ADD3: variants seen among roughly 807,000 people sequenced by gnomAD.
ADD3 encodes adducin 3, also known as gamma-adducin.
In ADD3, 25 loss-of-function variants were observed where a neutral mutation model predicts 80.2. The ratio of observed to expected loss-of-function variants is 0.31; its 90% CI spans 0.23 to 0.44. ADD3 has a LOEUF of 0.44. ADD3 is among the 20% of genes least tolerant of loss of function. The pLI is 1.00. For missense variants in ADD3, 829 were observed against 847.5 expected (o/e 0.98, Z 0.27); for synonymous variants, 284 against 289.6 (o/e 0.98, Z 0.20).
In ADD3 at chr10:110,044,452, G is replaced by A. The variant is rs549265336; in HGVS notation, c.-30+36153G>A. ...TGATTTTTGAGAGATGAATCAACTA[G>A]GAACCTAGAATTTTCCATACAAAAT... On this transcript the variant is annotated intron_variant, in intron 1 of 14. Transcript: ENST00000356080. 2.6e-5 allele frequency among the ~76,000 whole-genome samples: 4 copies of A among 152,210 alleles called. No individual in the cohort carries two copies. In the South Asian group the frequency reaches 8.3e-4, roughly 32 times the overall value.
At chr10:110,127,411 G>C (rs1852314655) in intron 12 of ADD3, among the ~76,000 whole-genome samples, 1 of 152,186 alleles carries the variant, frequency 6.6e-6, no homozygotes, top group African/African-American at 2.4e-5. Context: ...GAGGTCAAGA[G>C]ATCAAGACCA....
chr10:110,032,874 C>T (rs1388696664), intron 1 of ADD3, among the ~76,000 whole-genome samples: 1 of 151,986 alleles, frequency 6.6e-6, no homozygotes, highest in Non-Finnish European at 1.5e-5. Context: ...GAAACTTTAT[C>T]GAGAGGAAAA....
At chr10:110,051,971 A>G (rs1026123404) in intron 1 of ADD3, among the ~76,000 whole-genome samples, 2 of 151,750 alleles carry the variant, frequency 1.3e-5, no homozygotes, top group Non-Finnish European at 1.5e-5. Context: ...CTAAGTTTAA[A>G]TTTTTTTCTT....
intron 1 of ADD3, among the ~76,000 whole-genome samples, chr10:110,089,180 A>T (rs754010483): frequency 1.3e-5 from 2 of 152,182 alleles, no homozygotes; most frequent in Non-Finnish European, 2.9e-5. Context: ...ATAAAAATAA[A>T]AAAAAAGCTT....
At chr10:110,022,226 T>C (rs1478909974) in intron 1 of ADD3, among the ~76,000 whole-genome samples, 1 of 152,078 alleles carries the variant, frequency 6.6e-6, no homozygotes, top group Non-Finnish European at 1.5e-5. Flanking sequence ...TTTCAGAGAG[T>C]TGGAACTGTC....
chr10:110,002,301 T>A (rs1851501476), upstream of ADD3, among the ~76,000 whole-genome samples: 1 of 150,988 alleles, frequency 6.6e-6, no homozygotes. Context: ...TGAGACGGAG[T>A]CTCGCTCTGT....
intron 2 of ADD3, among the ~76,000 whole-genome samples, chr10:110,107,985 C>T (rs1246028699): frequency 6.6e-6 from 1 of 152,100 alleles, no homozygotes; most frequent in African/African-American, 2.4e-5. Flanking sequence ...CTTCTATGCT[C>T]TTCTGTATCT....
intron 1 of ADD3, among the ~76,000 whole-genome samples, chr10:110,011,751 T>A (rs1282127386): frequency 6.6e-6 from 1 of 152,252 alleles, no homozygotes; most frequent in Non-Finnish European, 1.5e-5. Flanking sequence ...GACTGTCATG[T>A]CATTGAGATT....
intron 1 of ADD3, among the ~76,000 whole-genome samples, chr10:110,073,145 T>C (rs1360738447): frequency 1.4e-5 from 2 of 143,712 alleles, no homozygotes; most frequent in South Asian, 2.3e-4. Flanking sequence ...TTTCTTTTTT[T>C]TTTTTTTTTT....
intron 2 of ADD3, among the ~76,000 whole-genome samples, chr10:110,108,454 C>T (rs372507523): frequency 2.0e-5 from 3 of 152,026 alleles, no homozygotes; most frequent in Admixed American, 1.3e-4. Context: ...TTTATAACCT[C>T]GAGCAAGGCA....
At position 110,008,261 on chromosome 10, in the gene ADD3, G is replaced by A. The variant is rs1399911036; in HGVS notation, c.-68G>A. 1 of 152,328 alleles carries A rather than the reference G, an allele frequency of 6.6e-6. No individual in the cohort carries two copies. The highest frequency in any genetic ancestry group is 1.5e-5 in the Non-Finnish European group (1 of 68,142). The allele number at this position is 152,328 out of a possible 1,614,324, so 9.4% of individuals were successfully genotyped here. ...CTGCAGCCCGGGCGGCTGCCGAGAA[G>A]GAGGGAGGGGAAACACAAAGCCGGC... On this transcript the variant is annotated 5_prime_UTR_variant, in exon 1 of 15. Transcript: ENST00000356080.
intron 1 of ADD3, among the ~76,000 whole-genome samples, chr10:110,057,768 T>C (rs997239783): frequency 1.8e-4 from 27 of 152,122 alleles, no homozygotes; most frequent in African/African-American, 6.3e-4. Flanking sequence ...CAAATATTTT[T>C]TGTTGCAATG....
rs182614464 is a variant in ADD3 at position 110,122,340 on chromosome 10, C to T, written c.1143+48C>T. 89 of 1,546,270 alleles carry T rather than the reference C, an allele frequency of 5.8e-5. No homozygotes were observed. In the East Asian group the frequency reaches 2.0e-3, roughly 35 times the overall value. ...AACTTGGATTTAATGTCTTCAGATT[C>T]AAGAGCAGATGCTTCCATTTTTGTA... On this transcript the variant is annotated intron_variant, in intron 9 of 14. Coordinates refer to ENST00000356080, the MANE Select transcript of ADD3 (RefSeq NM_016824.5).
At chr10:110,036,651 C>T (rs1436172963) in intron 1 of ADD3, among the ~76,000 whole-genome samples, 1 of 151,942 alleles carries the variant, frequency 6.6e-6, no homozygotes, top group Non-Finnish European at 1.5e-5. Flanking sequence ...GGATTACAGG[C>T]GTGAGCCACC....
At chr10:110,128,791 C>G (rs1423180482) in intron 12 of ADD3, among the ~76,000 whole-genome samples, 6 of 152,184 alleles carry the variant, frequency 3.9e-5, no homozygotes, top group African/African-American at 1.4e-4. Context: ...TTTACACTTT[C>G]TCTTATTGCT....
chr10:110,082,509 C>G (rs7899873), intron 1 of ADD3, among the ~76,000 whole-genome samples: 12,482 of 152,116 alleles, frequency 0.082, 1,653 homozygotes, highest in African/African-American at 0.28. Context: ...AACTGTCTTA[C>G]GAGATAGCTT....
At chr10:110,084,419 A>C (rs989593935) in intron 1 of ADD3, among the ~76,000 whole-genome samples, 3 of 152,198 alleles carry the variant, frequency 2.0e-5, no homozygotes, top group Non-Finnish European at 2.9e-5. Context: ...AAATGTGCTT[A>C]AAATTGTGCT....
chr10:109,997,011 T>C (rs2133659301), intron 1 of ADD3, among the ~76,000 whole-genome samples: 1 of 152,218 alleles, frequency 6.6e-6, no homozygotes, highest in East Asian at 1.9e-4. Context: ...TGCTATGCCA[T>C]AGATTATATT....
In ADD3 at chr10:110,122,087, G is replaced by C. The variant is rs760705791; in HGVS notation, c.961-23G>C. The stretch of plus-strand genomic sequence containing the variant: ...ACAGTCTTTATAGTTTTGTGTCTCT[G>C]TATATTTTACCATTGATTACAGGTG... On this transcript the variant is annotated intron_variant, in intron 8 of 14. Coordinates refer to ENST00000356080, the MANE Select transcript of ADD3 (RefSeq NM_016824.5). 13 of 1,588,580 alleles carry C rather than the reference G, an allele frequency of 8.2e-6. No individual in the cohort carries two copies. In the South Asian group the frequency reaches 1.3e-4, roughly 15 times the overall value.
Sources: gnomAD v4.1 joint callset for allele counts (sites outside exome capture counted in the v4.1 genomes callset) on GRCh38, gnomAD v4.1.1 for gene constraint, MANE v1.5 for transcripts, NCBI Gene and HGNC (gene_info 2026-07-23, HGNC 2026-07-21) for gene names.